Variants in GDAP1 observed in about 807,000 individuals in gnomAD.
GDAP1 encodes ganglioside induced differentiation associated protein 1.
In GDAP1, 34 loss-of-function variants were observed where a neutral mutation model predicts 40.1. That is an observed-to-expected ratio of 0.85 (90% CI 0.64 to 1.13). The LOEUF (loss-of-function observed/expected upper bound fraction) is 1.13, where lower values mean the gene tolerates loss of function less well. GDAP1 is among the 50% of genes most tolerant of loss of function. GDAP1 has a pLI of 0.00. For synonymous variants in GDAP1, 170 were observed against 157.4 expected (o/e 1.08, Z -0.60); for missense variants, 374 against 433.7 (o/e 0.86, Z 1.22).
At chr8:74,427,354 G>A (rs982489610) in intron 2 of GDAP1, among the ~76,000 whole-genome samples, 4 of 152,158 alleles carry the variant, frequency 2.6e-5, no homozygotes, top group Admixed American at 2.0e-4. Flanking sequence ...CCATAGAATT[G>A]TGATAAAATA....
rs368362392 is a variant in GDAP1 at position 74,385,699 on chromosome 8, A to G, written c.165+34378A>G. On this transcript the variant is annotated intron_variant, in intron 2 of 2. Transcript: ENST00000523640. ...AATCTATATAATCCTTTGGGTATAT[A>G]CCTAGTAATGGGATTGCTGGGTCAA... Among the ~76,000 whole-genome samples, 29 of 152,294 alleles carry G rather than the reference A, an allele frequency of 1.9e-4. No homozygotes were observed. The East Asian group carries it at 4.4e-3, about 23-fold the overall frequency.
At chr8:74,405,036 A>G (rs971568524) in intron 2 of GDAP1, among the ~76,000 whole-genome samples, 4 of 150,156 alleles carry the variant, frequency 2.7e-5, no homozygotes, top group Non-Finnish European at 5.9e-5. Flanking sequence ...GCTAATAAAG[A>G]TATACCTAAG....
chr8:74,435,166 G>A (rs945227251), intron 2 of GDAP1, among the ~76,000 whole-genome samples: 3 of 152,120 alleles, frequency 2.0e-5, no homozygotes, highest in African/African-American at 7.2e-5. Context: ...CTCTTTCAAA[G>A]CATTAGGTTA....
chr8:74,353,071 C>G (rs1017865901), intron 2 of GDAP1, among the ~76,000 whole-genome samples: 4 of 152,094 alleles, frequency 2.6e-5, no homozygotes, highest in African/African-American at 9.7e-5. Context: ...GGTTTTCTTA[C>G]AATTTTCCTT....
chr8:74,437,860 A>G (rs934685024), intron 2 of GDAP1, among the ~76,000 whole-genome samples: 3 of 152,182 alleles, frequency 2.0e-5, no homozygotes, highest in African/African-American at 7.2e-5. Context: ...ATCCCCTGCT[A>G]ATGGACATAT....
intron 2 of GDAP1, among the ~76,000 whole-genome samples, chr8:74,477,081 T>A (rs1218163495): frequency 6.6e-6 from 1 of 152,226 alleles, no homozygotes; most frequent in Non-Finnish European, 1.5e-5. Flanking sequence ...ATCATTCTGT[T>A]AATACTTGTG....
intron 2 of GDAP1, among the ~76,000 whole-genome samples, chr8:74,437,703 G>A (rs554026531): frequency 6.8e-6 from 1 of 148,126 alleles, no homozygotes; most frequent in Admixed American, 6.6e-5. Context: ...TTATATTTTA[G>A]AGATTAAATC....
chr8:74,386,657 T>C (rs1024914389), intron 2 of GDAP1, among the ~76,000 whole-genome samples: 11 of 152,204 alleles, frequency 7.2e-5, no homozygotes, highest in Non-Finnish European at 1.5e-5. Context: ...GTGATTGTCT[T>C]GGCTATACAG....
At chr8:74,363,074 T>C (rs1425862239) in intron 5 of GDAP1, 21 bp downstream of exon 5, 7 of 1,090,352 alleles carry the variant, frequency 6.4e-6, no homozygotes, top group Admixed American at 5.1e-5. Flanking sequence ...ATTTATATTC[T>C]TTCTCTCTTT....
At position 74,363,522 on chromosome 8, in the gene GDAP1, AC is replaced by A. The variant is rs554035568; in HGVS notation, c.695-462del. Among the ~76,000 whole-genome samples the A allele has an allele frequency of 3.2e-3, 487 of 152,348 alleles. 3 individuals are homozygous for A. The highest frequency in any genetic ancestry group is 3.1e-3 in the Non-Finnish European group (212 of 68,036). On this transcript the variant is annotated intron_variant, in intron 5 of 5. Coordinates refer to ENST00000220822, the MANE Select transcript of GDAP1 (RefSeq NM_018972.4). ...CACATGGGCCATTTATGCTACTCCG[AC>A]TAGAGTTGAAGACTATGTTACCTGT...
Position 74,360,121 on chromosome 8 carries a change from T to C in GDAP1, c.311-16T>C. 1 of 1,596,154 alleles carries C rather than the reference T, an allele frequency of 6.3e-7. No homozygotes were observed. Among genetic ancestry groups the C allele is most frequent in the East Asian group, 2.2e-5 (1 of 44,786 alleles). ...TGTGTAACTTTTTCTTCAATATTTGTGTGTGTGTATTTTAGAAAGAACACC... is the reference window on the plus strand; with the variant it reads ...TGTGTAACTTTTTCTTCAATATTTGCGTGTGTGTATTTTAGAAAGAACACC... On this transcript the variant is annotated splice_polypyrimidine_tract_variant and intron_variant, in intron 2 of 5. Coordinates refer to ENST00000220822, the MANE Select transcript of GDAP1 (RefSeq NM_018972.4).
chr8:74,424,794 C>G (rs1805926188), intron 2 of GDAP1, among the ~76,000 whole-genome samples: 1 of 152,138 alleles, frequency 6.6e-6, no homozygotes, highest in Admixed American at 6.5e-5. Context: ...AACCTCTGGT[C>G]TAAGTATTAG....
chr8:74,471,688 C>A (rs1806558657), intron 2 of GDAP1, among the ~76,000 whole-genome samples: 1 of 152,114 alleles, frequency 6.6e-6, no homozygotes. Flanking sequence ...CCATCCCCAT[C>A]CCCAGATAAC....
chr8:74,473,218 G>A (rs748211621), intron 2 of GDAP1, among the ~76,000 whole-genome samples: 4 of 151,942 alleles, frequency 2.6e-5, no homozygotes, highest in Non-Finnish European at 5.9e-5. Context: ...TGCATAGTTT[G>A]CAAATACTTT....
intron 5 of GDAP1, 62 bp from the exon 6 acceptor site, chr8:74,363,923 C>G (rs1186996630): frequency 1.4e-6 from 2 of 1,425,240 alleles, no homozygotes; most frequent in Non-Finnish European, 2.0e-6. Flanking sequence ...ACCACTGATA[C>G]CAGCTGGAGT....
intron 2 of GDAP1, among the ~76,000 whole-genome samples, chr8:74,445,179 A>G (rs1586837403): frequency 6.6e-6 from 1 of 152,342 alleles, no homozygotes; most frequent in East Asian, 1.9e-4. Context: ...CCTTGCTTCC[A>G]GGAAAGATAT....
In GDAP1 at chr8:74,402,896, TTTG is replaced by T. The variant is rs367960112; in HGVS notation, c.165+51594_165+51596del. ...ATATATAATTGATTATTCTTATTCT[TTTG>T]TTGTTGTTGTTGTTGTTGAGTTGTT... is the stretch of plus-strand genomic sequence containing the variant. On this transcript the variant is annotated intron_variant, in intron 2 of 2. Transcript: ENST00000523640. Among the ~76,000 whole-genome samples the T allele has an allele frequency of 4.7e-3, 708 of 150,102 alleles. 67 individuals carry two copies. The highest frequency in any genetic ancestry group is 0.015 in the African/African-American group (602 of 39,464).
At chr8:74,409,046 A>G (rs906166954) in intron 2 of GDAP1, among the ~76,000 whole-genome samples, 1 of 150,006 alleles carries the variant, frequency 6.7e-6, no homozygotes, top group African/African-American at 2.5e-5. Flanking sequence ...GTGTAAAAAT[A>G]AAGATTTATG....
chr8:74,416,834 G>A (rs1417550514), intron 2 of GDAP1, among the ~76,000 whole-genome samples: 3 of 149,842 alleles, frequency 2.0e-5, no homozygotes, highest in Non-Finnish European at 4.4e-5. Flanking sequence ...TGCATCAAAG[G>A]AGCACCCTGT....
Sources: allele counts gnomAD v4.1 joint callset (sites outside exome capture counted in the v4.1 genomes callset), GRCh38; gene constraint gnomAD v4.1.1; transcripts MANE v1.5; gene names NCBI Gene and HGNC (gene_info 2026-07-23, HGNC 2026-07-21).